Variants in KCNH2 observed in about 807,000 individuals in gnomAD.
KCNH2 encodes voltage-gated inwardly rectifying potassium channel KCNH2.
In KCNH2, 35 loss-of-function variants were observed where a neutral mutation model predicts 95.9. The observed-to-expected ratio is 0.37, with a 90% CI of 0.28 to 0.48. The LOEUF (loss-of-function observed/expected upper bound fraction) is 0.48, where lower values mean the gene tolerates loss of function less well. KCNH2 is among the 20% of genes least tolerant of loss of function. The pLI, the probability that KCNH2 is intolerant of heterozygous loss-of-function variation, is 0.99. For synonymous variants in KCNH2, 786 were observed against 754.7 expected, an observed-to-expected ratio of 1.04 and a Z score of -0.68; for missense variants, 1,274 against 1,702.9, an observed-to-expected ratio of 0.75 and a Z score of 4.43.
At chr7:150,957,258 G>A in intron 5 of KCNH2, 33 bp downstream of exon 5, 1 of 1,515,506 alleles carries the variant, frequency 6.6e-7, no homozygotes, top group Non-Finnish European at 9.0e-7. Flanking sequence ...GCTCCTCCAA[G>A]GTGAGAGGAG....
rs1282539967 is a variant in KCNH2 at position 150,945,071 on chromosome 7, C to T, written c.*294G>A. 4.5e-6 allele frequency: 2 copies of T among 440,224 alleles called. No individual in the cohort carries two copies. Among genetic ancestry groups the T allele is most frequent in the African/African-American group, 3.9e-5 (2 of 51,346 alleles). 27.3% of individuals were successfully genotyped at this position (440,224 alleles called of 1,614,324 possible). ...TAAGAGCAGTAAATAGCAGAAAAGT[C>T]CTTGAGGTGCCTAAGGCCCAGGGCC... On this transcript the variant is annotated 3_prime_UTR_variant, in exon 15 of 15. Transcript: ENST00000262186. This position sits in a 1 kb window ranked among gnomAD's most constrained non-coding sequence, Gnocchi z 5.6.
intron 5 of KCNH2, among the ~76,000 whole-genome samples, 165 bp downstream of exon 5, chr7:150,957,126 A>C (rs1162975839): frequency 6.6e-6 from 1 of 150,922 alleles, no homozygotes; most frequent in African/African-American, 2.4e-5. Flanking sequence ...CTCTCCCCCC[A>C]TCGCAGCTCT....
intron 11 of KCNH2, 25 bp downstream of exon 11, chr7:150,948,419 C>A: frequency 7.7e-7 from 1 of 1,297,838 alleles, no homozygotes; most frequent in Non-Finnish European, 1.1e-6. Context: ...CCCGCCCTCC[C>A]CCTTCCTCCC....
chr7:150,956,762 G>T (rs916695718), intron 5 of KCNH2, among the ~76,000 whole-genome samples: 1 of 152,082 alleles, frequency 6.6e-6, no homozygotes, highest in African/African-American at 2.4e-5. Context: ...GCCCCTCGAG[G>T]CCATCCTGGC....
chr7:150,965,415 G>A (rs957891783), intron 2 of KCNH2, among the ~76,000 whole-genome samples: 12 of 152,136 alleles, frequency 7.9e-5, no homozygotes, highest in African/African-American at 2.9e-4. Context: ...CTCGGGTGGT[G>A]CACGAACTGG....
At chr7:150,959,547 C>A in intron 3 of KCNH2, 25 bp downstream of exon 3, 2 of 1,613,092 alleles carry the variant, frequency 1.2e-6, no homozygotes, top group Non-Finnish European at 1.7e-6. Flanking sequence ...AACCCCTGAG[C>A]CTGCCCTAAA....
chr7:150,957,545 C>G, intron 4 of KCNH2, 43 bp from the exon 5 acceptor site: 1 of 1,485,332 alleles, frequency 6.7e-7, no homozygotes, highest in Non-Finnish European at 9.4e-7. Context: ...GCCCAGGGCC[C>G]CAGGCCAGGC....
intron 1 of KCNH2, among the ~76,000 whole-genome samples, chr7:150,977,438 G>A (rs970372645): frequency 6.6e-6 from 1 of 152,164 alleles, no homozygotes. Context: ...ACCAGTGTGC[G>A]CGCTGGACTC....
intron 2 of KCNH2, among the ~76,000 whole-genome samples, chr7:150,964,463 C>T (rs1050806737): frequency 6.6e-6 from 1 of 152,218 alleles, no homozygotes; most frequent in African/African-American, 2.4e-5. Context: ...CACTCTACCC[C>T]AGCCATGGTG....
Position 150,946,011 on chromosome 7 carries a change from G to A in KCNH2, c.3331-497C>T, listed in dbSNP as rs1010804722. Among the ~76,000 whole-genome samples, 1 of 152,200 alleles carries A rather than the reference G, an allele frequency of 6.6e-6. No homozygotes were observed. Among genetic ancestry groups the A allele is most frequent in the South Asian group, 2.1e-4 (1 of 4,832 alleles). On this transcript the variant is annotated intron_variant, in intron 14 of 14. Transcript: ENST00000262186. The surrounding 1 kb of genome is among the most constrained non-coding windows in gnomAD (Gnocchi z 6.5). ...CGGGAGGGGTTTGTGGGTACTGAGC[G>A]TCTGCTGGTGAGAGCTCTGCGGGGG...
intron 2 of KCNH2, among the ~76,000 whole-genome samples, chr7:150,967,446 G>A (rs111849264): frequency 3.6e-4 from 55 of 152,342 alleles, no homozygotes; most frequent in African/African-American, 1.3e-3. Context: ...GCAAGAGCCA[G>A]TAAATAAATA....
chr7:150,953,314 G>A (rs1476851501), intron 5 of KCNH2, among the ~76,000 whole-genome samples: 1 of 152,188 alleles, frequency 6.6e-6, no homozygotes, highest in African/African-American at 2.4e-5. Context: ...AGTCACTGCA[G>A]TTCTTACCAG....
chr7:150,976,735 C>CG (rs1563192277), intron 1 of KCNH2, among the ~76,000 whole-genome samples: 4 of 151,330 alleles, frequency 2.6e-5, no homozygotes, highest in African/African-American at 7.3e-5. Flanking sequence ...CCAGCACCCC[C>CG]CCCCACATCC....
At position 150,947,783 on chromosome 7, in the gene KCNH2, T is replaced by G. The variant is rs794728400; in HGVS notation, c.2788A>C (p.Ser930Arg). Residue 930 changes from serine to arginine, a missense_variant, in exon 12 of 15, where the codon AGC (serine) becomes CGC (arginine). Physicochemically the swap from Ser to Arg is moderately radical, Grantham distance 110 (BLOSUM62 -1). Around this residue, in one of 7 missense-constraint regions of KCNH2, gnomAD observed 457 missense variants for 416.1 expected, o/e 1.10. Transcript: ENST00000262186. ...RGRPGGPWGE[S>R]PSSGPSSPES... Reference sequence around the variant, plus strand: ...GGGCTGGAGGGGCCACTGGACGGGCTCTCCCCCCACGGCCCCCCCGGCCGG... The same window carrying G: ...GGGCTGGAGGGGCCACTGGACGGGCGCTCCCCCCACGGCCCCCCCGGCCGG... 5 of 1,535,106 alleles carry G rather than the reference T, an allele frequency of 3.3e-6. No homozygotes were observed. The highest frequency in any genetic ancestry group is 4.4e-6 in the Non-Finnish European group (5 of 1,145,200).
chr7:150,948,023 C>T, intron 11 of KCNH2, 145 bp from the exon 12 acceptor site: 1 of 1,024,328 alleles, frequency 9.8e-7, no homozygotes, highest in Non-Finnish European at 1.4e-6. Flanking sequence ...TGCTATCTTG[C>T]ACCCACTGTC....
At position 150,946,262 on chromosome 7, in the gene KCNH2, C is replaced by T. The variant is rs1335543941; in HGVS notation, c.3330+615G>A. The stretch of plus-strand genomic sequence containing the variant: ...ACATGCAGGTCCACCCAGGAGAGGA[C>T]AAGGGGCAACTAAGGCCCATCTCTA... On this transcript the variant is annotated intron_variant, in intron 14 of 14. Transcript: ENST00000262186. The surrounding 1 kb of genome is among the most constrained non-coding windows in gnomAD (Gnocchi z 6.5). Among the ~76,000 whole-genome samples the T allele has an allele frequency of 6.6e-6, 1 of 152,172 alleles. No individual in the cohort carries two copies. Among genetic ancestry groups the T allele is most frequent in the African/African-American group, 2.4e-5 (1 of 41,430 alleles).
chr7:150,947,297 G>A (rs757349892), intron 13 of KCNH2, 31 bp downstream of exon 13: 20 of 1,516,776 alleles, frequency 1.3e-5, no homozygotes, highest in Middle Eastern at 2.0e-4. Flanking sequence ...ACTCCAGGGC[G>A]TGCCCCCCCA....
rs143072395 is a variant in KCNH2, at chr7:150,950,366, G to A, written c.2200C>T (p.Arg734Cys). ...LQADICLHLN[R>C]SLLQHCKPFR... is the part of the protein sequence containing the mutation. ...GGTTTGCAGTGCTGCAGCAGTGAGC[G>A]GTTCAGGTGCAGGCAGATGTCAGCC... The change falls in exon 9 of 15, where the codon CGC becomes TGC. Residue 734 changes from arginine (R) to cysteine (C), a missense_variant. Around this residue, in one of 7 missense-constraint regions of KCNH2, gnomAD observed 159 missense variants for 282.5 expected, o/e 0.56. Coordinates refer to ENST00000262186, the MANE Select transcript of KCNH2 (RefSeq NM_000238.4). 5 of 1,612,780 alleles carry A rather than the reference G, an allele frequency of 3.1e-6. No individual in the cohort carries two copies. Among genetic ancestry groups the A allele is most frequent in the Non-Finnish European group, 3.4e-6 (4 of 1,179,778 alleles).
chr7:150,971,962 G>A (rs1801851421), intron 2 of KCNH2, among the ~76,000 whole-genome samples: 1 of 152,052 alleles, frequency 6.6e-6, no homozygotes, highest in Non-Finnish European at 1.5e-5. Context: ...TGCCTCCCCA[G>A]GGCCTTGCGG....
Sources: allele counts gnomAD v4.1 joint callset (sites outside exome capture counted in the v4.1 genomes callset), GRCh38; gene constraint gnomAD v4.1.1; regional missense constraint gnomAD v4.1.1; non-coding constraint Gnocchi (gnomAD v3.1); transcripts MANE v1.5; gene names NCBI Gene and HGNC (gene_info 2026-07-23, HGNC 2026-07-21).